CD44: variants seen among roughly 807,000 people sequenced by gnomAD.
The protein encoded by CD44 is CD44 antigen.
In CD44, 49 loss-of-function variants were observed where a neutral mutation model predicts 88.8. The observed-to-expected ratio is 0.55, with a 90% CI of 0.44 to 0.70. CD44 has a LOEUF of 0.70. CD44 is among the 30% of genes least tolerant of loss of function. The probability of loss-of-function intolerance (pLI) is 0.00; values close to 1 mark genes in which losing one functional copy is unlikely to be tolerated. For synonymous variants in CD44, 325 were observed against 312.3 expected (o/e 1.04, Z -0.43); for missense variants, 883 against 913.8 (o/e 0.97, Z 0.43).
intron 1 of CD44, among the ~76,000 whole-genome samples, chr11:35,162,441 T>C (rs188618409): frequency 1.3e-5 from 2 of 152,372 alleles, no homozygotes; most frequent in Admixed American, 6.5e-5. Flanking sequence ...CCTCTGGATC[T>C]TTGCATGGAT....
chr11:35,143,403 T>G (rs1858407376), intron 1 of CD44, among the ~76,000 whole-genome samples: 1 of 151,042 alleles, frequency 6.6e-6, no homozygotes, highest in African/African-American at 2.4e-5. Context: ...GCACAGGATA[T>G]CTTATCTAAG....
chr11:35,178,658 T>A (rs1944696251), intron 2 of CD44, among the ~76,000 whole-genome samples: 1 of 152,106 alleles, frequency 6.6e-6, no homozygotes, highest in South Asian at 2.1e-4. Context: ...GCATGACCCA[T>A]AAAACCGGTA....
intron 1 of CD44, among the ~76,000 whole-genome samples, chr11:35,171,962 T>C (rs998690802): frequency 3.3e-5 from 5 of 152,004 alleles, no homozygotes; most frequent in African/African-American, 1.2e-4. Flanking sequence ...AGGAGCATTG[T>C]CATGTCATGA....
chr11:35,194,977 C>T (rs1448338117), intron 5 of CD44, among the ~76,000 whole-genome samples: 1 of 152,180 alleles, frequency 6.6e-6, no homozygotes, highest in Non-Finnish European at 1.5e-5. Context: ...AGATTTCTCT[C>T]ATCAAAGTGT....
At chr11:35,216,186 T>A (rs914562018) in intron 15 of CD44, among the ~76,000 whole-genome samples, 1 of 151,994 alleles carries the variant, frequency 6.6e-6, no homozygotes, top group Non-Finnish European at 1.5e-5. Context: ...AATAGACTCC[T>A]GTTTGTTGTG....
chr11:35,179,808 C>G (rs1474385080), intron 2 of CD44, among the ~76,000 whole-genome samples: 1 of 152,120 alleles, frequency 6.6e-6, no homozygotes, highest in South Asian at 2.1e-4. Context: ...GGACATGAGG[C>G]AGGTCTGGAA....
intron 1 of CD44, among the ~76,000 whole-genome samples, chr11:35,155,052 G>C (rs1386031693): frequency 6.6e-6 from 1 of 152,190 alleles, no homozygotes; most frequent in Admixed American, 6.5e-5. Flanking sequence ...AGAAGAAAGA[G>C]TGTATATTCA....
intron 1 of CD44, among the ~76,000 whole-genome samples, chr11:35,153,440 G>A (rs1368313725): frequency 6.6e-6 from 1 of 152,164 alleles, no homozygotes; most frequent in African/African-American, 2.4e-5. Flanking sequence ...TGAGCATTTG[G>A]AAACCATAAG....
intron 9 of CD44, among the ~76,000 whole-genome samples, chr11:35,203,683 A>T (rs571907715): frequency 2.6e-5 from 4 of 152,150 alleles, no homozygotes; most frequent in Admixed American, 2.0e-4. Context: ...TGGCAAGTTT[A>T]TAGACTCTCA....
intron 1 of CD44, among the ~76,000 whole-genome samples, chr11:35,157,458 T>TATCATCTA (rs1254621713): frequency 1.3e-5 from 2 of 152,220 alleles, no homozygotes; most frequent in African/African-American, 4.8e-5. Context: ...TATTTATATC[T>TATCATCTA]ATCATCTATC....
intron 7 of CD44, among the ~76,000 whole-genome samples, chr11:35,199,941 T>TG (rs1947142789): frequency 6.9e-6 from 1 of 145,364 alleles, no homozygotes; most frequent in African/African-American, 2.6e-5. Flanking sequence ...GTTGTTTTTT[T>TG]TTTTTTTTTT....
At chr11:35,222,598 A>ATAT (rs373679880) in intron 17 of CD44, 3 of 545,918 alleles carry the variant, frequency 5.5e-6, no homozygotes, top group African/African-American at 4.3e-5. Flanking sequence ...TTTTATATAT[A>ATAT]ATATATATAT....
intron 1 of CD44, among the ~76,000 whole-genome samples, chr11:35,169,379 AAACC>A (rs1422938317): frequency 6.6e-6 from 1 of 151,612 alleles, no homozygotes; most frequent in East Asian, 1.9e-4. Context: ...CAGACTTTGA[AAACC>A]AATGAAAACC....
At chr11:35,201,268 C>T (rs1281101698) in intron 8 of CD44, 73 bp downstream of exon 8, 51 of 1,038,788 alleles carry the variant, frequency 4.9e-5, no homozygotes, top group Non-Finnish European at 7.4e-5. Context: ...GGTCAATCAT[C>T]GAGGCACAGT....
intron 1 of CD44, among the ~76,000 whole-genome samples, chr11:35,156,887 G>C (rs1016776543): frequency 6.6e-6 from 1 of 152,126 alleles, no homozygotes; most frequent in African/African-American, 2.4e-5. Flanking sequence ...ATTTTTAATT[G>C]GCTGTGCATG....
chr11:35,211,487 A>G (rs1426753667), intron 14 of CD44, 38 bp downstream of exon 14: 7 of 1,456,032 alleles, frequency 4.8e-6, no homozygotes, highest in Non-Finnish European at 6.7e-6. Flanking sequence ...CTTTCTCTAT[A>G]TAGAGAAACA....
chr11:35,190,057 C>G lies in CD44; in HGVS notation c.659C>G (p.Pro220Arg), dbSNP rs757825944. Residue 220 changes from proline to arginine, a missense_variant, in exon 5 of 18, where the codon CCT (proline) becomes CGT (arginine). This residue lies in a region of CD44 where 252 missense variants were observed against 322.9 expected (regional missense o/e 0.78). Transcript: ENST00000428726. The part of the protein sequence containing the change: ...PWITDSTDRI[P>R]ATTLMSTSAT... ...ATCACCGACAGCACAGACAGAATCC[C>G]TGCTACCAGTAAGGAGAATAAATCA... 1 of 1,612,332 alleles carries G rather than the reference C, an allele frequency of 6.2e-7. No homozygotes were observed. The highest frequency in any genetic ancestry group is 2.2e-5 in the East Asian group (1 of 44,878).
At chr11:35,186,732 T>C in intron 3 of CD44, 100 bp from the exon 4 acceptor site, 2 of 689,710 alleles carry the variant, frequency 2.9e-6, no homozygotes, top group Non-Finnish European at 5.3e-6. Context: ...TTATTTGGAA[T>C]AAGTTATAGT....
At chr11:35,148,305 C>T (rs888654771) in intron 1 of CD44, among the ~76,000 whole-genome samples, 3 of 152,230 alleles carry the variant, frequency 2.0e-5, no homozygotes, top group Non-Finnish European at 4.4e-5. Context: ...TAAGCACCAT[C>T]TTGCAGGAAA....
Sources: gnomAD v4.1 joint callset for allele counts (sites outside exome capture counted in the v4.1 genomes callset) on GRCh38, gnomAD v4.1.1 for gene constraint, gnomAD v4.1.1 regional missense constraint, MANE v1.5 for transcripts, NCBI Gene and HGNC (gene_info 2026-07-23, HGNC 2026-07-21) for gene names.